The following GLIS3 variants were observed in gnomAD, a reference collection of about 807,000 sequenced individuals.
GLIS3 encodes zinc finger protein GLIS3.
In GLIS3, 53 loss-of-function variants were observed where a neutral mutation model predicts 78.6. The observed-to-expected ratio is 0.67, with a 90% confidence interval of 0.54 to 0.85. The LOEUF (loss-of-function observed/expected upper bound fraction) is 0.85, where lower values mean the gene tolerates loss of function less well. GLIS3 is among the 40% of genes least tolerant of loss of function. GLIS3 has a pLI of 0.00. For synonymous variants in GLIS3, 684 were observed against 509.9 expected, an observed-to-expected ratio of 1.34 and a Z score of -4.60; for missense variants, 1,703 against 1,231.1, an observed-to-expected ratio of 1.38 and a Z score of -5.74.
chr9:4,200,547 G>T (rs1193497665), intron 2 of GLIS3, among the ~76,000 whole-genome samples: 1 of 152,074 alleles, frequency 6.6e-6, no homozygotes, highest in Non-Finnish European at 1.5e-5. Flanking sequence ...ACACGAACTA[G>T]AAAGTCTGAA....
intron 4 of GLIS3, among the ~76,000 whole-genome samples, chr9:4,103,533 T>C (rs1016911817): frequency 2.6e-5 from 4 of 152,158 alleles, no homozygotes; most frequent in African/African-American, 9.7e-5. Flanking sequence ...AAACTACCAA[T>C]TGCTGTTTGA....
chr9:4,207,413 CATTTGCAGG>C (rs1439226667), intron 2 of GLIS3, among the ~76,000 whole-genome samples: 1 of 152,152 alleles, frequency 6.6e-6, no homozygotes, highest in Non-Finnish European at 1.5e-5. Context: ...GGAAAAGAAA[CATTTGCAGG>C]ATTAAAATGT....
At chr9:4,012,875 T>A (rs1822145387) in intron 4 of GLIS3, among the ~76,000 whole-genome samples, 1 of 148,186 alleles carries the variant, frequency 6.7e-6, no homozygotes, top group Non-Finnish European at 1.5e-5. Context: ...TGGGTTCAAG[T>A]AATTCTCCTG....
the GLIS3 span, among the ~76,000 whole-genome samples, chr9:4,372,215 T>C: frequency 6.6e-6 from 1 of 152,240 alleles, no homozygotes; most frequent in South Asian, 2.1e-4. Flanking sequence ...GTACCACCCG[T>C]GCAGTTGCCA....
At chr9:4,367,719 A>G in the GLIS3 span, among the ~76,000 whole-genome samples, 2,337 of 151,692 alleles carry the variant, frequency 0.015, 74 homozygotes, top group African/African-American at 0.054. Context: ...CACACCTAAC[A>G]CAAGTACTAT....
chr9:4,037,500 G>A (rs1824417797), intron 4 of GLIS3, among the ~76,000 whole-genome samples: 1 of 151,480 alleles, frequency 6.6e-6, no homozygotes, highest in Admixed American at 6.6e-5. Flanking sequence ...TACCCCACAA[G>A]CCAAGTTCCA....
intron 2 of GLIS3, among the ~76,000 whole-genome samples, chr9:4,270,212 A>T (rs544207705): frequency 1.3e-5 from 2 of 152,350 alleles, no homozygotes; most frequent in African/African-American, 4.8e-5. Flanking sequence ...CTGGTGTATC[A>T]CAGGCCCTTG....
chr9:4,272,658 C>T (rs150197229), intron 2 of GLIS3, among the ~76,000 whole-genome samples: 1 of 152,158 alleles, frequency 6.6e-6, no homozygotes, highest in East Asian at 1.9e-4. Context: ...CTAGAATAAC[C>T]AGAAACTTGT....
At chr9:4,328,315 C>T (rs898888170) in intron 2 of GLIS3, among the ~76,000 whole-genome samples, 1 of 152,138 alleles carries the variant, frequency 6.6e-6, no homozygotes, top group South Asian at 2.1e-4. Context: ...GGTCACAGCT[C>T]CCCCTGAAGT....
At chr9:4,193,779 G>A (rs1044861755) in intron 2 of GLIS3, among the ~76,000 whole-genome samples, 7 of 152,210 alleles carry the variant, frequency 4.6e-5, no homozygotes, top group African/African-American at 1.2e-4. Flanking sequence ...ATGAAAATAC[G>A]TTGACTAAAA....
chr9:3,859,291 G>GA (rs1293987961), intron 8 of GLIS3, among the ~76,000 whole-genome samples: 128 of 149,924 alleles, frequency 8.5e-4, no homozygotes, highest in African/African-American at 2.9e-3. Flanking sequence ...GGCAGGATGG[G>GA]GAACTCAGAA....
the GLIS3 span, among the ~76,000 whole-genome samples, chr9:4,482,013 T>C: frequency 6.6e-6 from 1 of 152,238 alleles, no homozygotes; most frequent in Admixed American, 6.5e-5. Context: ...TTTAAACTTG[T>C]ATTTAGTTCT....
the GLIS3 span, among the ~76,000 whole-genome samples, chr9:4,462,620 C>CAA: frequency 7.0e-5 from 10 of 142,410 alleles, no homozygotes; most frequent in African/African-American, 1.0e-4. Flanking sequence ...CACACACACA[C>CAA]ACACACACAC....
the GLIS3 span, among the ~76,000 whole-genome samples, chr9:4,407,100 A>T: frequency 6.6e-6 from 1 of 152,238 alleles, no homozygotes; most frequent in South Asian, 2.1e-4. Context: ...ATAGACACAT[A>T]GACCAATGGA....
At chr9:4,386,961 T>C in the GLIS3 span, among the ~76,000 whole-genome samples, 1 of 152,206 alleles carries the variant, frequency 6.6e-6, no homozygotes, top group Non-Finnish European at 1.5e-5. Flanking sequence ...CACAGAACTC[T>C]CACCCTACTC....
At chr9:4,160,440 A>C (rs1835384814) in intron 2 of GLIS3, among the ~76,000 whole-genome samples, 1 of 152,244 alleles carries the variant, frequency 6.6e-6, no homozygotes, top group South Asian at 2.1e-4. Flanking sequence ...TTTTGTCAGA[A>C]AGTACATCTC....
At chr9:4,262,118 T>C (rs965972521) in intron 2 of GLIS3, among the ~76,000 whole-genome samples, 4 of 152,112 alleles carry the variant, frequency 2.6e-5, no homozygotes, top group Admixed American at 1.3e-4. Flanking sequence ...GTCTGAACTA[T>C]GTGACTGAAG....
intron 2 of GLIS3, among the ~76,000 whole-genome samples, chr9:4,212,021 G>T (rs549206865): frequency 6.6e-6 from 1 of 152,192 alleles, no homozygotes; most frequent in African/African-American, 2.4e-5. Context: ...CTGGGAGTGG[G>T]AAAGAGGATT....
rs9697076 is a variant in GLIS3, at chr9:4,187,841, G to C, written c.389-61900C>G. On this transcript the variant is annotated intron_variant, in intron 2 of 10. Coordinates refer to ENST00000381971, the MANE Select transcript of GLIS3 (RefSeq NM_001042413.2). ...AGAATGCTTGTGATTTTTGCACATT[G>C]ATTTTGTATCCTGAGACTTTGCTGA... Among the ~76,000 whole-genome samples, 39 of 152,212 alleles carry C rather than the reference G, an allele frequency of 2.6e-4. 1 individual carries two copies. The South Asian group carries it at 5.2e-3, about 20-fold the overall frequency.
Sources: allele counts gnomAD v4.1 joint callset (sites outside exome capture counted in the v4.1 genomes callset), GRCh38; gene constraint gnomAD v4.1.1; transcripts MANE v1.5; gene names NCBI Gene and HGNC (gene_info 2026-07-23, HGNC 2026-07-21).